Variants in CHCHD3 observed in about 807,000 individuals in gnomAD.
CHCHD3 encodes MICOS complex subunit MIC19.
A neutral mutation model predicts 38.2 loss-of-function variants in CHCHD3; 20 were observed. The ratio of observed to expected loss-of-function variants is 0.52; its 90% CI spans 0.37 to 0.76. The LOEUF is 0.76. Ranked by LOEUF, CHCHD3 falls within the 30% of genes least tolerant of loss-of-function variation. The pLI is 0.00. For missense variants in CHCHD3, 245 were observed against 279.2 expected, an observed-to-expected ratio of 0.88 and a Z score of 0.87; for synonymous variants, 82 against 100.0, an observed-to-expected ratio of 0.82 and a Z score of 1.07.
chr7:132,828,430 T>A (rs1807562154), intron 6 of CHCHD3, among the ~76,000 whole-genome samples: 1 of 152,140 alleles, frequency 6.6e-6, no homozygotes, highest in Non-Finnish European at 1.5e-5. Flanking sequence ...ATGAAAAAAA[T>A]TTTCCTAATG....
At chr7:132,797,917 A>G (rs1438161686) in intron 6 of CHCHD3, among the ~76,000 whole-genome samples, 2 of 152,170 alleles carry the variant, frequency 1.3e-5, no homozygotes, top group Non-Finnish European at 2.9e-5. Flanking sequence ...TGTTTTTTCA[A>G]ATTAGTCTTA....
intron 6 of CHCHD3, among the ~76,000 whole-genome samples, chr7:132,817,264 C>T (rs967361212): frequency 6.6e-6 from 1 of 151,580 alleles, no homozygotes; most frequent in Non-Finnish European, 1.5e-5. Flanking sequence ...AACTGAGATG[C>T]CTTCCCCCAA....
intron 3 of CHCHD3, among the ~76,000 whole-genome samples, chr7:132,985,532 G>A (rs1481730705): frequency 2.4e-5 from 2 of 82,262 alleles, no homozygotes; most frequent in African/African-American, 9.6e-5. Context: ...CCGGCCAGCC[G>A]CCCCGTCCAG....
chr7:132,858,223 T>G (rs4731914), intron 5 of CHCHD3, among the ~76,000 whole-genome samples: 1 of 151,808 alleles, frequency 6.6e-6, no homozygotes, highest in South Asian at 2.1e-4. Context: ...CCACCACGCC[T>G]GGCTGATTTT....
chr7:132,808,174 A>G (rs1806980683), intron 6 of CHCHD3, among the ~76,000 whole-genome samples: 1 of 152,218 alleles, frequency 6.6e-6, no homozygotes, highest in Non-Finnish European at 1.5e-5. Context: ...GAAAAGACAC[A>G]GAGAAACCAA....
chr7:133,082,043 C>A lies in CHCHD3; in HGVS notation c.-106G>T. 2.8e-6 allele frequency: 3 copies of A among 1,073,288 alleles called. No homozygotes were observed. The highest frequency in any genetic ancestry group is 3.9e-6 in the Non-Finnish European group (3 of 765,088). 66.5% of individuals were successfully genotyped at this position (1,073,288 alleles called of 1,614,324 possible). On this transcript the variant is annotated 5_prime_UTR_variant, in exon 1 of 8. Transcript: ENST00000262570. ...GGGCCTGGATTCTTTTCCCGCACAG[C>A]GGGAGCAAGGCCACGACCCCCAGAA...
At chr7:133,003,847 A>G (rs531264428) in intron 3 of CHCHD3, among the ~76,000 whole-genome samples, 4 of 152,376 alleles carry the variant, frequency 2.6e-5, no homozygotes, top group Admixed American at 2.6e-4. Context: ...TCATCTTTAT[A>G]AATCAATTTA....
chr7:132,825,186 T>C (rs1424394308), intron 6 of CHCHD3, among the ~76,000 whole-genome samples: 2 of 152,204 alleles, frequency 1.3e-5, no homozygotes, highest in African/African-American at 4.8e-5. Flanking sequence ...GATGAATGTA[T>C]GTGTTAATAC....
intron 4 of CHCHD3, among the ~76,000 whole-genome samples, chr7:132,945,105 C>A (rs1278995156): frequency 1.3e-5 from 2 of 151,858 alleles, no homozygotes; most frequent in Non-Finnish European, 2.9e-5. Context: ...TGTCTAACGG[C>A]ATTGGTTAGT....
intron 3 of CHCHD3, among the ~76,000 whole-genome samples, chr7:132,994,357 C>T (rs1373033362): frequency 6.6e-6 from 1 of 152,102 alleles, no homozygotes; most frequent in Non-Finnish European, 1.5e-5. Flanking sequence ...AAATGGATTG[C>T]CTATATTTCA....
At chr7:132,802,828 C>A (rs1441088135) in intron 6 of CHCHD3, among the ~76,000 whole-genome samples, 1 of 152,026 alleles carries the variant, frequency 6.6e-6, no homozygotes. Context: ...TAATTTAGAA[C>A]AACCATGTAC....
chr7:132,901,739 C>A (rs1423177655), intron 4 of CHCHD3, among the ~76,000 whole-genome samples: 1 of 152,146 alleles, frequency 6.6e-6, no homozygotes, highest in Non-Finnish European at 1.5e-5. Context: ...AAGTAGATTG[C>A]AAAAATTTTC....
chr7:133,056,353 T>C (rs1814332885), intron 2 of CHCHD3, among the ~76,000 whole-genome samples: 1 of 152,130 alleles, frequency 6.6e-6, no homozygotes, highest in Non-Finnish European at 1.5e-5. Context: ...CACATCATCC[T>C]TCTCCCAAGA....
chr7:132,899,587 C>A (rs1809613503), intron 4 of CHCHD3, among the ~76,000 whole-genome samples: 1 of 152,216 alleles, frequency 6.6e-6, no homozygotes, highest in African/African-American at 2.4e-5. Flanking sequence ...TTGTATGTAT[C>A]AGTTCCCTTT....
chr7:132,836,892 C>T (rs1318142953), intron 6 of CHCHD3, among the ~76,000 whole-genome samples: 1 of 152,192 alleles, frequency 6.6e-6, no homozygotes, highest in African/African-American at 2.4e-5. Context: ...CAAACATCTT[C>T]CCATGACTCA....
chr7:133,039,822 A>G (rs1280194754), intron 2 of CHCHD3, among the ~76,000 whole-genome samples: 1 of 152,182 alleles, frequency 6.6e-6, no homozygotes, highest in Admixed American at 6.5e-5. Flanking sequence ...TGCAGTTAGG[A>G]ATAGCCTAGT....
intron 4 of CHCHD3, among the ~76,000 whole-genome samples, chr7:132,931,054 T>C (rs1810501568): frequency 6.6e-6 from 1 of 152,164 alleles, no homozygotes; most frequent in South Asian, 2.1e-4. Flanking sequence ...GAAGCACTAA[T>C]ACAGCACTCA....
intron 3 of CHCHD3, among the ~76,000 whole-genome samples, chr7:132,996,395 G>A (rs1260299381): frequency 1.3e-5 from 2 of 152,156 alleles, no homozygotes; most frequent in African/African-American, 4.8e-5. Context: ...ACAGAGTCCT[G>A]AGCTTCAAAA....
intron 2 of CHCHD3, among the ~76,000 whole-genome samples, chr7:133,029,545 G>A (rs367821164): frequency 6.6e-6 from 1 of 152,124 alleles, no homozygotes; most frequent in East Asian, 1.9e-4. Flanking sequence ...TATCTTCATA[G>A]TGCACTTTAT....
Sources: gnomAD v4.1 joint callset for allele counts (sites outside exome capture counted in the v4.1 genomes callset) on GRCh38, gnomAD v4.1.1 for gene constraint, MANE v1.5 for transcripts, NCBI Gene and HGNC (gene_info 2026-07-23, HGNC 2026-07-21) for gene names.